PHLPP1: variants seen among roughly 807,000 people sequenced by gnomAD.
The protein encoded by PHLPP1 is PH domain and leucine rich repeat protein phosphatase 1.
A neutral mutation model predicts 117.2 loss-of-function variants in PHLPP1; 42 were observed. That is an observed-to-expected ratio of 0.36 (90% CI 0.28 to 0.46). The LOEUF is 0.46. Ranked by LOEUF, PHLPP1 falls within the 20% of genes least tolerant of loss-of-function variation. The probability of loss-of-function intolerance (pLI) is 1.00; values close to 1 mark genes in which losing one functional copy is unlikely to be tolerated. For synonymous variants in PHLPP1, 1,042 were observed against 970.7 expected (o/e 1.07, Z -1.37); for missense variants, 2,084 against 2,241.9 (o/e 0.93, Z 1.42).
At chr18:62,794,565 G>C (rs1044621098) in intron 1 of PHLPP1, among the ~76,000 whole-genome samples, 8 of 151,896 alleles carry the variant, frequency 5.3e-5, no homozygotes, top group Admixed American at 5.2e-4. Flanking sequence ...TTTAGAGATA[G>C]GATCTTGCTG....
chr18:62,744,763 T>C (rs1911628741), intron 1 of PHLPP1, among the ~76,000 whole-genome samples: 1 of 152,246 alleles, frequency 6.6e-6, no homozygotes, highest in African/African-American at 2.4e-5. Flanking sequence ...CTGGAAGTGA[T>C]TGTAATCATG....
Position 62,797,693 on chromosome 18 carries a change from C to T in PHLPP1, c.1577-32342C>T, listed in dbSNP as rs1913665810. On this transcript the variant is annotated intron_variant, in intron 1 of 16. Coordinates refer to ENST00000262719, the MANE Select transcript of PHLPP1 (RefSeq NM_194449.4). ...GTGCAGACCTTGATTAATTTAAGTC[C>T]CTAATTATAACACATTTGTATACCT... is the stretch of plus-strand genomic sequence containing the variant. Among the ~76,000 whole-genome samples the T allele has an allele frequency of 2.0e-5, 3 of 152,064 alleles. No individual in the cohort carries two copies. The South Asian group carries it at 6.2e-4, about 31-fold the overall frequency.
intron 1 of PHLPP1, among the ~76,000 whole-genome samples, chr18:62,750,233 C>G (rs546945323): frequency 6.6e-6 from 1 of 152,216 alleles, no homozygotes; most frequent in East Asian, 1.9e-4. Flanking sequence ...CATTTTTCAT[C>G]TTTCTTTTGG....
At position 62,820,113 on chromosome 18, in the gene PHLPP1, A is replaced by G. The variant is rs1027879145; in HGVS notation, c.1577-9922A>G. Among the ~76,000 whole-genome samples the G allele has an allele frequency of 2.0e-5, 3 of 152,238 alleles. No individual in the cohort carries two copies. In the East Asian group the frequency reaches 5.8e-4, roughly 29 times the overall value. On this transcript the variant is annotated intron_variant, in intron 1 of 16. Coordinates refer to ENST00000262719, the MANE Select transcript of PHLPP1 (RefSeq NM_194449.4). ...AATCAGTGATAAAGAAGGTCATTTT[A>G]TAATGATAAAGCAATCCATACATCA...
At chr18:62,771,380 T>C (rs1167265069) in intron 1 of PHLPP1, among the ~76,000 whole-genome samples, 2 of 152,182 alleles carry the variant, frequency 1.3e-5, no homozygotes, top group African/African-American at 4.8e-5. Flanking sequence ...CAGTGAGAAA[T>C]ATGACATACC....
intron 12 of PHLPP1, among the ~76,000 whole-genome samples, chr18:62,947,996 G>T (rs1224460623): frequency 6.6e-6 from 1 of 151,768 alleles, no homozygotes; most frequent in Non-Finnish European, 1.5e-5. Context: ...CTGCACTCCA[G>T]CCTGGGCAAC....
At chr18:62,757,353 TGTTA>T (rs1394542668) in intron 1 of PHLPP1, among the ~76,000 whole-genome samples, 2 of 152,248 alleles carry the variant, frequency 1.3e-5, no homozygotes, top group Admixed American at 1.3e-4. Context: ...TCTTGCTGAC[TGTTA>T]GAGATTTGTT....
chr18:62,895,749 T>A (rs1916544777), intron 5 of PHLPP1, 32 bp from the exon 6 acceptor site: 6 of 1,271,114 alleles, frequency 4.7e-6, no homozygotes, highest in Non-Finnish European at 4.6e-6. Context: ...ATTTATATGT[T>A]CTCTTTGTAA....
chr18:62,846,131 C>T (rs1015164229), intron 3 of PHLPP1, among the ~76,000 whole-genome samples: 19 of 146,356 alleles, frequency 1.3e-4, no homozygotes, highest in African/African-American at 2.5e-5. Flanking sequence ...ATTGCTTGAA[C>T]TCAGGAGGTA....
chr18:62,882,230 G>A lies in PHLPP1; in HGVS notation c.2067-12781G>A, dbSNP rs146883074. Among the ~76,000 whole-genome samples the A allele has an allele frequency of 5.9e-3, 890 of 151,810 alleles. 2 individuals are homozygous for A. Among genetic ancestry groups the A allele is most frequent in the Non-Finnish European group, 8.9e-3 (608 of 67,962 alleles). On this transcript the variant is annotated intron_variant, in intron 4 of 16. Transcript: ENST00000262719. ...TGAGGAGTTCATGGAAAAGGAAGTT[G>A]CTTACTGGGGGTCTGTGTCTCTCAT... is the stretch of plus-strand genomic sequence containing the variant.
At chr18:62,771,205 C>T (rs1484303571) in intron 1 of PHLPP1, among the ~76,000 whole-genome samples, 1 of 139,376 alleles carries the variant, frequency 7.2e-6, no homozygotes, top group Non-Finnish European at 1.5e-5. Context: ...CAGAGTGAGA[C>T]TGTCTCAAAA....
chr18:62,784,429 G>A (rs919992034), intron 1 of PHLPP1, among the ~76,000 whole-genome samples: 16 of 152,068 alleles, frequency 1.1e-4, no homozygotes. Flanking sequence ...GGTAATAGAA[G>A]TTGGTGTACT....
chr18:62,966,759 G>A (rs569355448), intron 14 of PHLPP1, among the ~76,000 whole-genome samples: 2 of 152,248 alleles, frequency 1.3e-5, no homozygotes, highest in South Asian at 2.1e-4. Context: ...GTGAGCTGCC[G>A]TGCCCGGCAG....
At chr18:62,835,650 A>G (rs1365462565) in intron 2 of PHLPP1, among the ~76,000 whole-genome samples, 1 of 152,080 alleles carries the variant, frequency 6.6e-6, no homozygotes, top group Non-Finnish European at 1.5e-5. Context: ...TGAAGTTACT[A>G]ACAGCTTTTT....
chr18:62,952,764 C>A (rs781552436), intron 12 of PHLPP1, among the ~76,000 whole-genome samples: 1 of 152,168 alleles, frequency 6.6e-6, no homozygotes, highest in African/African-American at 2.4e-5. Context: ...GTAGCTGAGA[C>A]TCCAGGTGCT....
At chr18:62,808,231 G>A (rs1240882963) in intron 1 of PHLPP1, among the ~76,000 whole-genome samples, 59 of 152,176 alleles carry the variant, frequency 3.9e-4, no homozygotes, top group Non-Finnish European at 4.4e-5. Flanking sequence ...AGTAGGAGGA[G>A]CCATTAAAGT....
chr18:62,749,178 C>T (rs575202798), intron 1 of PHLPP1, among the ~76,000 whole-genome samples: 7 of 150,944 alleles, frequency 4.6e-5, no homozygotes, highest in Admixed American at 3.9e-4. Context: ...TTGGTCGGCA[C>T]ATGTTCAGAT....
chr18:62,719,834 C>T (rs902037870), intron 1 of PHLPP1, among the ~76,000 whole-genome samples: 25 of 152,030 alleles, frequency 1.6e-4, no homozygotes, highest in Non-Finnish European at 3.5e-4. Flanking sequence ...TTGAAGATCA[C>T]CTTTCTGTTC....
chr18:62,718,909 G>T (rs924007426), intron 1 of PHLPP1, among the ~76,000 whole-genome samples: 13 of 152,238 alleles, frequency 8.5e-5, no homozygotes, highest in African/African-American at 2.6e-4. Context: ...AACAAAGTTT[G>T]AATCTGTGTT....
Sources: allele counts gnomAD v4.1 joint callset (sites outside exome capture counted in the v4.1 genomes callset), GRCh38; gene constraint gnomAD v4.1.1; transcripts MANE v1.5; gene names NCBI Gene and HGNC (gene_info 2026-07-23, HGNC 2026-07-21).